GPHN: variants seen among roughly 807,000 people sequenced by gnomAD.
GPHN encodes the protein gephyrin.
A neutral mutation model predicts 95.5 loss-of-function variants in GPHN; 17 were observed. The ratio of observed to expected loss-of-function variants is 0.18; its 90% CI spans 0.12 to 0.27. GPHN has a LOEUF of 0.27. GPHN is among the 10% of genes least tolerant of loss of function. The pLI, the probability that GPHN is intolerant of heterozygous loss-of-function variation, is 1.00. For synonymous variants in GPHN, 320 were observed against 322.5 expected, an observed-to-expected ratio of 0.99 and a Z score of 0.08; for missense variants, 660 against 978.1, an observed-to-expected ratio of 0.67 and a Z score of 4.34.
chr14:66,650,293 G>GT (rs1210380150), intron 1 of GPHN, among the ~76,000 whole-genome samples: 1 of 152,104 alleles, frequency 6.6e-6, no homozygotes, highest in Non-Finnish European at 1.5e-5. Flanking sequence ...AGCCTTTGGA[G>GT]TTTTTCAAAA....
intron 1 of GPHN, among the ~76,000 whole-genome samples, chr14:66,590,323 G>A (rs1461078777): frequency 1.3e-5 from 2 of 148,268 alleles, no homozygotes; most frequent in Non-Finnish European, 3.1e-5. Context: ...TAACTAAGAT[G>A]AGAGCTAGAG....
chr14:67,613,825 G>A, the GPHN span: 3 of 171,592 alleles, frequency 1.7e-5, no homozygotes, highest in South Asian at 1.4e-4. Context: ...AATCACTACC[G>A]CTTTGCAATC....
chr14:66,980,754 A>G (rs1359766629), intron 9 of GPHN, among the ~76,000 whole-genome samples: 1 of 152,222 alleles, frequency 6.6e-6, no homozygotes, highest in Non-Finnish European at 1.5e-5. Flanking sequence ...GAACCTTTAA[A>G]AAAGATGATT....
At chr14:67,231,391 G>A in the GPHN span, among the ~76,000 whole-genome samples, 247 of 152,062 alleles carry the variant, frequency 1.6e-3, no homozygotes, top group African/African-American at 5.7e-3. Context: ...CATACTCCTG[G>A]GCTCAAGTGA....
At chr14:66,549,834 A>G (rs879555756) in intron 1 of GPHN, among the ~76,000 whole-genome samples, 1 of 152,214 alleles carries the variant, frequency 6.6e-6, no homozygotes, top group Non-Finnish European at 1.5e-5. Context: ...ATTAAAAATG[A>G]TGCTAAGTCA....
At chr14:67,505,929 G>A in the GPHN span, among the ~76,000 whole-genome samples, 1 of 152,090 alleles carries the variant, frequency 6.6e-6, no homozygotes, top group Admixed American at 6.5e-5. Context: ...TCGAACTCCT[G>A]ACCTTGGGTA....
At chr14:66,825,935 G>T (rs2061371661) in intron 4 of GPHN, among the ~76,000 whole-genome samples, 1 of 152,134 alleles carries the variant, frequency 6.6e-6, no homozygotes, top group Non-Finnish European at 1.5e-5. Flanking sequence ...TCCTGCAGAG[G>T]TGTGCTTGTG....
chr14:67,412,165 CA>C, the GPHN span: 1 of 954,014 alleles, frequency 1.0e-6, no homozygotes, highest in Non-Finnish European at 1.4e-6. Context: ...GCCCAGGAAG[CA>C]GCTCCGACGC....
chr14:66,700,967 TCA>T (rs1317158180), intron 2 of GPHN, among the ~76,000 whole-genome samples: 2 of 152,154 alleles, frequency 1.3e-5, no homozygotes, highest in Non-Finnish European at 2.9e-5. Context: ...TTCAGTTATA[TCA>T]CAACTATTTG....
chr14:67,160,287 T>C (rs1328304269), intron 19 of GPHN, among the ~76,000 whole-genome samples: 1 of 152,198 alleles, frequency 6.6e-6, no homozygotes, highest in Non-Finnish European at 1.5e-5. Flanking sequence ...CTCTGATATA[T>C]GCTATAAATT....
chr14:66,852,858 T>C (rs890278729), intron 4 of GPHN, among the ~76,000 whole-genome samples: 1 of 152,228 alleles, frequency 6.6e-6, no homozygotes, highest in African/African-American at 2.4e-5. Context: ...AGCAAATATG[T>C]GATACTTTTT....
chr14:66,521,991 T>G (rs527597119), intron 1 of GPHN, among the ~76,000 whole-genome samples: 1 of 152,258 alleles, frequency 6.6e-6, no homozygotes, highest in South Asian at 2.1e-4. Context: ...TATCAGTCAC[T>G]GTTTCTTCTT....
chr14:67,662,983 T>C, the GPHN span: 2 of 1,388,526 alleles, frequency 1.4e-6, no homozygotes, highest in East Asian at 2.7e-5. Context: ...ACCACTTCTA[T>C]GTTAACTCGT....
At chr14:67,350,734 C>T in the GPHN span, 13 of 1,530,130 alleles carry the variant, frequency 8.5e-6, no homozygotes, top group Admixed American at 1.7e-5. Context: ...AAGCCTTTTA[C>T]AAGGAAATAT....
Position 66,971,596 on chromosome 14 carries a change from ATTG to A in GPHN, c.963+6274_963+6276del, listed in dbSNP as rs567622137. Among the ~76,000 whole-genome samples the A allele has an allele frequency of 2.1e-3, 320 of 152,302 alleles. 1 individual carries two copies. Among genetic ancestry groups the A allele is most frequent in the African/African-American group, 7.2e-3 (301 of 41,568 alleles). On this transcript the variant is annotated intron_variant, in intron 9 of 22. Coordinates refer to ENST00000478722, the MANE Select transcript of GPHN (RefSeq NM_020806.5). Reference sequence around the variant, plus strand: ...ATATAGTTAGAAAAGGAAGGACTATATTGTTCACATTTTTTTATAATTGTGGAT... The same window carrying A: ...ATATAGTTAGAAAAGGAAGGACTATATTCACATTTTTTTATAATTGTGGAT...
chr14:67,022,568 GGTGTGTGTGTGTGTGTGTGT>G (rs72312422), intron 9 of GPHN, among the ~76,000 whole-genome samples: 2 of 20,874 alleles, frequency 9.6e-5, no homozygotes, highest in African/African-American at 4.2e-4. Flanking sequence ...TTTTTTTTTT[GGTGTGTGTGTGTGTGTGTGT>G]GTGTGTGTGT....
At chr14:66,852,405 G>C (rs1367000960) in intron 4 of GPHN, among the ~76,000 whole-genome samples, 1 of 152,352 alleles carries the variant, frequency 6.6e-6, no homozygotes, top group East Asian at 1.9e-4. Flanking sequence ...GCGCGTGCGC[G>C]TGTTCACCTG....
chr14:67,695,793 T>G, the GPHN span: 22 of 1,255,126 alleles, frequency 1.8e-5, no homozygotes, highest in East Asian at 4.5e-4. Flanking sequence ...CAATTCAAAT[T>G]GCGACAGCCC....
At chr14:67,371,768 A>G in the GPHN span, among the ~76,000 whole-genome samples, 5 of 152,256 alleles carry the variant, frequency 3.3e-5, no homozygotes, top group Admixed American at 3.3e-4. Flanking sequence ...TATGCAGTGC[A>G]TGACTAATTT....
Sources: gnomAD v4.1 joint callset for allele counts (sites outside exome capture counted in the v4.1 genomes callset) on GRCh38, gnomAD v4.1.1 for gene constraint, MANE v1.5 for transcripts, NCBI Gene and HGNC (gene_info 2026-07-23, HGNC 2026-07-21) for gene names.